NELL1: variants seen among roughly 807,000 people sequenced by gnomAD.
NELL1 encodes the protein protein kinase C-binding protein NELL1.
In NELL1, 76 loss-of-function variants were observed where a neutral mutation model predicts 107.4. The ratio of observed to expected loss-of-function variants is 0.71; its 90% CI spans 0.59 to 0.86. The LOEUF (loss-of-function observed/expected upper bound fraction) is 0.86. Among genes scored for constraint, NELL1 ranks in the 40% least tolerant of loss-of-function variants. The probability of loss-of-function intolerance (pLI) is 0.00; values close to 1 mark genes in which losing one functional copy is unlikely to be tolerated. For synonymous variants in NELL1, 353 were observed against 341.2 expected, an observed-to-expected ratio of 1.03 and a Z score of -0.38; for missense variants, 1,024 against 1,005.5, an observed-to-expected ratio of 1.02 and a Z score of -0.25.
chr11:20,704,873 C>A (rs777107849), intron 2 of NELL1, among the ~76,000 whole-genome samples: 8 of 152,140 alleles, frequency 5.3e-5, no homozygotes, highest in Non-Finnish European at 7.3e-5. Flanking sequence ...CAATAACAGA[C>A]AAACAGAGAG....
chr11:20,932,589 T>C (rs930064266), intron 9 of NELL1, among the ~76,000 whole-genome samples: 1 of 152,246 alleles, frequency 6.6e-6, no homozygotes, highest in Non-Finnish European at 1.5e-5. Context: ...ACAGGCACTG[T>C]GTTTAACCAT....
At chr11:20,923,096 GA>G (rs1443947194) in intron 7 of NELL1, among the ~76,000 whole-genome samples, 1 of 152,130 alleles carries the variant, frequency 6.6e-6, no homozygotes, top group Admixed American at 6.5e-5. Flanking sequence ...CCTAGTCTAG[GA>G]GTCCTGGAAA....
At chr11:21,501,555 C>T (rs1230628816) in intron 15 of NELL1, among the ~76,000 whole-genome samples, 1 of 152,094 alleles carries the variant, frequency 6.6e-6, no homozygotes, top group Non-Finnish European at 1.5e-5. Context: ...GAGTCATCAA[C>T]AATGAACTGG....
At chr11:21,039,989 A>G (rs908184857) in intron 12 of NELL1, among the ~76,000 whole-genome samples, 2 of 152,198 alleles carry the variant, frequency 1.3e-5, no homozygotes, top group Non-Finnish European at 2.9e-5. Context: ...ATACAAAAGT[A>G]ACATGATTAT....
chr11:20,818,639 G>T (rs1857680106), intron 3 of NELL1, among the ~76,000 whole-genome samples: 1 of 152,086 alleles, frequency 6.6e-6, no homozygotes, highest in Non-Finnish European at 1.5e-5. Context: ...AGTAATTACA[G>T]TTTTGCTGAG....
chr11:20,725,515 A>T (rs1855489191), intron 2 of NELL1, among the ~76,000 whole-genome samples: 1 of 152,188 alleles, frequency 6.6e-6, no homozygotes, highest in Admixed American at 6.5e-5. Context: ...AGCTAATGAG[A>T]GGGTGCTCTC....
chr11:21,300,074 G>A (rs997458434), intron 14 of NELL1, among the ~76,000 whole-genome samples: 1 of 151,910 alleles, frequency 6.6e-6, no homozygotes, highest in African/African-American at 2.4e-5. Context: ...TAAGTGCTAG[G>A]AAGAAAGGAA....
intron 2 of NELL1, among the ~76,000 whole-genome samples, chr11:20,725,991 G>GGAGT (rs1855498933): frequency 7.1e-6 from 1 of 141,410 alleles, no homozygotes; most frequent in Non-Finnish European, 1.6e-5. Flanking sequence ...GTGAGAACAT[G>GGAGT]GAGTATTTTG....
intron 16 of NELL1, among the ~76,000 whole-genome samples, chr11:21,555,250 T>C (rs1856678353): frequency 6.6e-6 from 1 of 151,884 alleles, no homozygotes; most frequent in African/African-American, 2.4e-5. Flanking sequence ...AATATTATAT[T>C]CCAGAAGGGT....
At chr11:20,882,811 T>G (rs1849434475) in intron 4 of NELL1, among the ~76,000 whole-genome samples, 2 of 152,222 alleles carry the variant, frequency 1.3e-5, no homozygotes. Flanking sequence ...TAATCCAGGA[T>G]CCCATCTTGC....
chr11:20,708,307 C>T (rs1164365494), intron 2 of NELL1, among the ~76,000 whole-genome samples: 1 of 152,218 alleles, frequency 6.6e-6, no homozygotes, highest in South Asian at 2.1e-4. Flanking sequence ...TGAGGCGATG[C>T]CCCGCCCTGC....
At chr11:21,076,538 C>T (rs1381307868) in intron 12 of NELL1, among the ~76,000 whole-genome samples, 1 of 152,182 alleles carries the variant, frequency 6.6e-6, no homozygotes, top group African/African-American at 2.4e-5. Context: ...CAGAGCCAGG[C>T]AGTGGAGGTA....
At chr11:21,373,741 C>G (rs975344931) in intron 15 of NELL1, among the ~76,000 whole-genome samples, 1 of 152,054 alleles carries the variant, frequency 6.6e-6, no homozygotes, top group South Asian at 2.1e-4. Flanking sequence ...CTTTTCATAA[C>G]CCCCCTTAAG....
At chr11:20,932,270 G>T (rs565616408) in intron 9 of NELL1, among the ~76,000 whole-genome samples, 2 of 151,774 alleles carry the variant, frequency 1.3e-5, no homozygotes, top group Admixed American at 6.6e-5. Flanking sequence ...GTATTATTTT[G>T]GTAGACAGAT....
chr11:20,747,632 G>A lies in NELL1; in HGVS notation c.185-36048G>A, dbSNP rs562109336. 1.5e-4 allele frequency among the ~76,000 whole-genome samples: 23 copies of A among 152,206 alleles called. No individual in the cohort carries two copies. In the Middle Eastern group the frequency reaches 0.01, roughly 68 times the overall value. On this transcript the variant is annotated intron_variant, in intron 2 of 19. Coordinates refer to ENST00000357134, the MANE Select transcript of NELL1 (RefSeq NM_006157.5). ...CTTATCACCTAGTCACTTCCTAAAG[G>A]CCCCACCTCTCAATATGTCAATCTT...
chr11:21,559,847 A>G (rs1856807877), intron 16 of NELL1, among the ~76,000 whole-genome samples: 1 of 152,130 alleles, frequency 6.6e-6, no homozygotes, highest in Admixed American at 6.6e-5. Flanking sequence ...ATATCCTAAA[A>G]GAACTTGCTA....
At chr11:21,147,642 G>A (rs1165715701) in intron 13 of NELL1, among the ~76,000 whole-genome samples, 3 of 151,846 alleles carry the variant, frequency 2.0e-5, no homozygotes, top group African/African-American at 7.3e-5. Flanking sequence ...AGACCAGCCT[G>A]ACCAATATGG....
chr11:21,289,958 A>G (rs1403961176), intron 14 of NELL1, among the ~76,000 whole-genome samples: 1 of 152,186 alleles, frequency 6.6e-6, no homozygotes, highest in Non-Finnish European at 1.5e-5. Flanking sequence ...CCTCTCTGGG[A>G]GTAGCATCTC....
At chr11:21,536,504 A>AGACTT (rs1371192499) in intron 16 of NELL1, among the ~76,000 whole-genome samples, 1 of 152,094 alleles carries the variant, frequency 6.6e-6, no homozygotes, top group East Asian at 1.9e-4. Context: ...TGCCTTCCAA[A>AGACTT]GACTTGTCAC....
Sources: gnomAD v4.1 joint callset for allele counts (sites outside exome capture counted in the v4.1 genomes callset) on GRCh38, gnomAD v4.1.1 for gene constraint, MANE v1.5 for transcripts, NCBI Gene and HGNC (gene_info 2026-07-23, HGNC 2026-07-21) for gene names.